HS3ST5: variants seen among roughly 807,000 people sequenced by gnomAD.
The protein encoded by HS3ST5 is heparan sulfate-glucosamine 3-sulfotransferase 5, also known as heparan sulfate glucosamine 3-O-sulfotransferase 5.
In HS3ST5, 10 loss-of-function variants were observed where a neutral mutation model predicts 25.4. The observed-to-expected ratio is 0.39, with a 90% confidence interval of 0.24 to 0.67. The LOEUF (loss-of-function observed/expected upper bound fraction) is 0.67, where lower values mean the gene tolerates loss of function less well. Among genes scored for constraint, HS3ST5 ranks in the 30% least tolerant of loss-of-function variants. The pLI is 0.44. For synonymous variants in HS3ST5, 170 were observed against 162.4 expected (o/e 1.05, Z -0.36); for missense variants, 324 against 420.7 (o/e 0.77, Z 2.01).
At chr6:114,131,842 T>C (rs1194177331) in intron 3 of HS3ST5, among the ~76,000 whole-genome samples, 2 of 152,236 alleles carry the variant, frequency 1.3e-5, no homozygotes, top group African/African-American at 4.8e-5. Flanking sequence ...TAAGCCTTGC[T>C]TGTAACCATG....
chr6:114,235,102 G>A (rs1026366170), intron 1 of HS3ST5, among the ~76,000 whole-genome samples: 10 of 152,040 alleles, frequency 6.6e-5, no homozygotes, highest in Non-Finnish European at 1.0e-4. Context: ...CAGCCTGGGC[G>A]ACAGAGCAAA....
chr6:114,260,005 T>C (rs1166131275), intron 1 of HS3ST5, among the ~76,000 whole-genome samples: 1 of 152,200 alleles, frequency 6.6e-6, no homozygotes, highest in Non-Finnish European at 1.5e-5. Context: ...TTCCAATGTG[T>C]ATTATGGTTT....
At chr6:114,211,257 AC>A (rs1781498144) in intron 2 of HS3ST5, among the ~76,000 whole-genome samples, 1 of 152,158 alleles carries the variant, frequency 6.6e-6, no homozygotes, top group Non-Finnish European at 1.5e-5. Flanking sequence ...CTCCCAATTT[AC>A]TTTTTAAATT....
chr6:114,267,581 G>C (rs1429649090), intron 1 of HS3ST5, among the ~76,000 whole-genome samples: 2 of 152,128 alleles, frequency 1.3e-5, no homozygotes, highest in Non-Finnish European at 2.9e-5. Context: ...CATAAATCTA[G>C]CGTCTAGAGT....
chr6:114,092,063 A>G (rs1775147779), intron 3 of HS3ST5, among the ~76,000 whole-genome samples: 1 of 152,232 alleles, frequency 6.6e-6, no homozygotes. Flanking sequence ...CAGTGATTCA[A>G]CAGGCCAAAA....
At chr6:114,173,233 G>T (rs538415641) in intron 2 of HS3ST5, among the ~76,000 whole-genome samples, 1 of 152,180 alleles carries the variant, frequency 6.6e-6, no homozygotes, top group African/African-American at 2.4e-5. Flanking sequence ...AACTTCCACA[G>T]AATCCACTCT....
At chr6:114,218,517 C>T (rs1297329677) in intron 2 of HS3ST5, among the ~76,000 whole-genome samples, 1 of 152,162 alleles carries the variant, frequency 6.6e-6, no homozygotes, top group Non-Finnish European at 1.5e-5. Context: ...AAAAATTTTG[C>T]TTCTTTTGGA....
chr6:114,102,650 G>T (rs1489368998), intron 3 of HS3ST5, among the ~76,000 whole-genome samples: 1 of 152,058 alleles, frequency 6.6e-6, no homozygotes, highest in Non-Finnish European at 1.5e-5. Flanking sequence ...TTTTTTGAAC[G>T]CTCAGTTTAT....
intron 1 of HS3ST5, among the ~76,000 whole-genome samples, chr6:114,298,224 A>C (rs528690555): frequency 3.3e-5 from 5 of 152,322 alleles, no homozygotes; most frequent in African/African-American, 1.2e-4. Flanking sequence ...AATGACCATG[A>C]TGATTTTTGT....
At chr6:114,332,973 G>C (rs1289817848) in intron 1 of HS3ST5, among the ~76,000 whole-genome samples, 1 of 152,064 alleles carries the variant, frequency 6.6e-6, no homozygotes, top group African/African-American at 2.4e-5. Context: ...GAATAGTAAG[G>C]GCTTTGTAGG....
intron 1 of HS3ST5, chr6:114,239,218 A>C (rs1771991984): frequency 6.6e-6 from 1 of 152,060 alleles, no homozygotes; most frequent in Non-Finnish European, 1.5e-5. Context: ...CTTGATTTGG[A>C]TTCTGTTATC....
chr6:114,113,289 A>G (rs1183326705), intron 3 of HS3ST5, among the ~76,000 whole-genome samples: 1 of 152,142 alleles, frequency 6.6e-6, no homozygotes, highest in Non-Finnish European at 1.5e-5. Flanking sequence ...TTCTTCACCC[A>G]TAATCTTCAA....
chr6:114,240,009 TACAC>T (rs149926688), intron 1 of HS3ST5, among the ~76,000 whole-genome samples: 34 of 148,986 alleles, frequency 2.3e-4, no homozygotes, highest in East Asian at 1.2e-3. Flanking sequence ...AGCACACACA[TACAC>T]ACACACACAC....
At chr6:114,130,419 G>C (rs891808432) in intron 3 of HS3ST5, among the ~76,000 whole-genome samples, 1 of 152,156 alleles carries the variant, frequency 6.6e-6, no homozygotes, top group Non-Finnish European at 1.5e-5. Context: ...TACTTCTAAA[G>C]TTACCTATGC....
chr6:114,091,368 A>T (rs1775106074), intron 3 of HS3ST5, among the ~76,000 whole-genome samples: 1 of 152,160 alleles, frequency 6.6e-6, no homozygotes, highest in Non-Finnish European at 1.5e-5. Flanking sequence ...AAATGCTTAG[A>T]TGTGTCATTT....
At chr6:114,204,432 T>G (rs2114390741) in intron 2 of HS3ST5, among the ~76,000 whole-genome samples, 1 of 152,304 alleles carries the variant, frequency 6.6e-6, no homozygotes, top group Non-Finnish European at 1.5e-5. Context: ...TTTTCTTCCT[T>G]ACTAAGTCAC....
chr6:114,064,419 TATGA>T (rs1468438924), intron 3 of HS3ST5, among the ~76,000 whole-genome samples: 1 of 152,192 alleles, frequency 6.6e-6, no homozygotes, highest in Non-Finnish European at 1.5e-5. Flanking sequence ...TATGATAATG[TATGA>T]ATAAGTGTTG....
At chr6:114,202,661 C>A (rs1018234209) in intron 2 of HS3ST5, among the ~76,000 whole-genome samples, 1 of 152,104 alleles carries the variant, frequency 6.6e-6, no homozygotes, top group Non-Finnish European at 1.5e-5. Context: ...GAGCCTAGAG[C>A]ACATTCCTAC....
intron 1 of HS3ST5, among the ~76,000 whole-genome samples, chr6:114,240,009 TAC>T (rs149926688): frequency 0.015 from 2,184 of 148,788 alleles, 19 homozygotes; most frequent in Middle Eastern, 0.038. Flanking sequence ...AGCACACACA[TAC>T]ACACACACAC....
Sources: gnomAD v4.1 joint callset for allele counts (sites outside exome capture counted in the v4.1 genomes callset) on GRCh38, gnomAD v4.1.1 for gene constraint, MANE v1.5 for transcripts, NCBI Gene and HGNC (gene_info 2026-07-23, HGNC 2026-07-21) for gene names.